Variants in NTN4 observed in about 807,000 individuals in gnomAD.
The protein encoded by NTN4 is netrin 4.
Under a neutral mutation model 73.6 loss-of-function variants are expected in NTN4, and 32 were observed. The ratio of observed to expected loss-of-function variants is 0.44; its 90% confidence interval spans 0.33 to 0.58. The LOEUF is 0.58. NTN4 is among the 20% of genes least tolerant of loss of function. The pLI, the probability that NTN4 is intolerant of heterozygous loss-of-function variation, is 0.04. For missense variants in NTN4, 654 were observed against 798.3 expected (o/e 0.82, Z 2.18); for synonymous variants, 258 against 287.5 (o/e 0.90, Z 1.04).
chr12:95,733,481 T>C (rs1024945209), intron 3 of NTN4, among the ~76,000 whole-genome samples: 1 of 152,216 alleles, frequency 6.6e-6, no homozygotes, highest in Admixed American at 6.5e-5. Context: ...GTAAGTAGTG[T>C]CTACCATATC....
At chr12:95,782,983 G>A (rs1409658178) in intron 2 of NTN4, among the ~76,000 whole-genome samples, 1 of 152,172 alleles carries the variant, frequency 6.6e-6, no homozygotes, top group Non-Finnish European at 1.5e-5. Context: ...TGTGTTTGCT[G>A]TATCCAGAGG....
chr12:95,770,107 G>A (rs767033131), intron 2 of NTN4, among the ~76,000 whole-genome samples: 27 of 152,226 alleles, frequency 1.8e-4, no homozygotes, highest in African/African-American at 6.3e-4. Flanking sequence ...TGTCCACAAC[G>A]ACTCAGATAT....
intron 7 of NTN4, chr12:95,672,992 T>C: frequency 1.7e-6 from 2 of 1,208,470 alleles, no homozygotes; most frequent in African/African-American, 1.5e-5. Context: ...ATCAGGTGCA[T>C]GGAGTTCCTG....
At chr12:95,722,617 T>G (rs1299551318) in intron 3 of NTN4, among the ~76,000 whole-genome samples, 2 of 151,988 alleles carry the variant, frequency 1.3e-5, no homozygotes, top group African/African-American at 2.4e-5. Context: ...AGCCAGACCT[T>G]GTCTCGAAAA....
Position 95,722,708 on chromosome 12 carries a change from C to G in NTN4, c.865-9370G>C, listed in dbSNP as rs770833051. Among the ~76,000 whole-genome samples, 4 of 152,108 alleles carry G rather than the reference C, an allele frequency of 2.6e-5. No homozygotes were observed. The South Asian group carries it at 8.3e-4, about 31-fold the overall frequency. ...CATTATTTTAGGCCAGGTGCTGTGG[C>G]TCATGCCTGTAATCCCAGCACTTTG... On this transcript the variant is annotated intron_variant, in intron 3 of 9. Transcript: ENST00000343702.
chr12:95,787,268 G>C lies in NTN4; in HGVS notation c.256C>G (p.His86Asp). 1 of 1,614,252 alleles carries C rather than the reference G, an allele frequency of 6.2e-7. No homozygotes were observed. The highest frequency in any genetic ancestry group is 8.5e-7 in the Non-Finnish European group (1 of 1,180,042). The change falls in exon 2 of 10, where the codon CAC becomes GAC. Residue 86 changes from histidine to aspartate, a missense_variant. His to Asp is a moderately conservative substitution (Grantham distance 81). Coordinates refer to ENST00000343702, the MANE Select transcript of NTN4 (RefSeq NM_021229.4). The stretch of plus-strand genomic sequence containing the variant: ...ATGGCAGATGGCAGGTGAGCCAGGT[G>C]AGGATAGGCAGCATTGCACTTGTCA... ...KCDKCNAAYP[H>D]LAHLPSAMAD...
At chr12:95,745,006 A>C (rs1294431636) in intron 2 of NTN4, among the ~76,000 whole-genome samples, 1 of 152,040 alleles carries the variant, frequency 6.6e-6, no homozygotes, top group Non-Finnish European at 1.5e-5. Flanking sequence ...TTCCAACAAA[A>C]AGCTTTTGTC....
intron 2 of NTN4, among the ~76,000 whole-genome samples, chr12:95,778,123 G>T (rs2079107518): frequency 6.6e-6 from 1 of 152,022 alleles, no homozygotes; most frequent in African/African-American, 2.4e-5. Flanking sequence ...CGAGAACAAA[G>T]ACACAACATA....
chr12:95,742,627 A>G (rs1252854147), intron 2 of NTN4, among the ~76,000 whole-genome samples: 1 of 152,216 alleles, frequency 6.6e-6, no homozygotes, highest in Non-Finnish European at 1.5e-5. Flanking sequence ...GAGGAATAAT[A>G]TTCAAGGCCG....
intron 9 of NTN4, among the ~76,000 whole-genome samples, chr12:95,659,788 A>G (rs1179783326): frequency 6.6e-6 from 1 of 152,216 alleles, no homozygotes; most frequent in Non-Finnish European, 1.5e-5. Context: ...ACTGAGGCTC[A>G]GCAAGGCTAA....
Position 95,710,421 on chromosome 12 carries a change from G to A in NTN4, c.1180+20C>T, listed in dbSNP as rs1406276814. 6.3e-7 allele frequency: 1 copy of A among 1,593,210 alleles called. No homozygotes were observed. Among genetic ancestry groups the A allele is most frequent in the Non-Finnish European group, 8.6e-7 (1 of 1,166,304 alleles). On this transcript the variant is annotated intron_variant, in intron 5 of 9. Transcript: ENST00000343702. Reference sequence around the variant, plus strand: ...TCTTGTACAAATCAGCCTATTTTCTGGAAACCACAGGTTACTTACGTTTGC... The same window carrying A: ...TCTTGTACAAATCAGCCTATTTTCTAGAAACCACAGGTTACTTACGTTTGC...
At chr12:95,744,351 TC>T (rs1465200214) in intron 2 of NTN4, among the ~76,000 whole-genome samples, 2 of 152,220 alleles carry the variant, frequency 1.3e-5, no homozygotes, top group Admixed American at 1.3e-4. Flanking sequence ...GTAGGGTATA[TC>T]TTTTTTTATC....
In NTN4 at chr12:95,787,115, G is replaced by T. The variant is rs763831564; in HGVS notation, c.409C>A (p.Pro137Thr). 2 of 1,614,198 alleles carry T rather than the reference G, an allele frequency of 1.2e-6. No individual in the cohort carries two copies. The highest frequency in any genetic ancestry group is 1.1e-5 in the South Asian group (1 of 91,080). The change falls in exon 2 of 10, where the codon CCC becomes ACC. Residue 137 changes from proline to threonine, a missense_variant. Physicochemically the swap from Pro to Thr is conservative, Grantham distance 38. Transcript: ENST00000343702. ...FTHLIVMFKS[P>T]RPAAMVLDRS... is the part of the protein sequence containing the mutation. ...TCCAGCACCATGGCAGCCGGCCTGG[G>T]GGACTTGAACATCACAATTAGGTGA...
At position 95,714,168 on chromosome 12, in the gene NTN4, G is replaced by A. The variant is rs553452956; in HGVS notation, c.865-830C>T. Among the ~76,000 whole-genome samples, 127 of 152,028 alleles carry A rather than the reference G, an allele frequency of 8.4e-4. 1 individual carries two copies. The South Asian group carries it at 0.019, about 22-fold the overall frequency. ...ACTTCAGTAGAATTCTTAGAAACAT[G>A]GGAATTTTAATATTTTTTGTATTAT... On this transcript the variant is annotated intron_variant, in intron 3 of 9. Transcript: ENST00000343702.
chr12:95,699,638 A>AG (rs2121048559), intron 5 of NTN4, among the ~76,000 whole-genome samples: 1 of 152,212 alleles, frequency 6.6e-6, no homozygotes, highest in Admixed American at 6.5e-5. Flanking sequence ...GGAAAAAAAA[A>AG]AAAAGATCTG....
intron 7 of NTN4, chr12:95,670,612 T>C (rs925175526): frequency 6.6e-6 from 1 of 152,578 alleles, no homozygotes; most frequent in South Asian, 2.1e-4. Context: ...ACTTTTGGTA[T>C]GCAAGGCATG....
At chr12:95,693,679 C>T (rs1457416604) in intron 5 of NTN4, among the ~76,000 whole-genome samples, 2 of 147,526 alleles carry the variant, frequency 1.4e-5, no homozygotes, top group Non-Finnish European at 3.0e-5. Flanking sequence ...TGCAGTGAGC[C>T]GAGATCACGC....
chr12:95,703,102 C>T (rs373776533), intron 5 of NTN4, among the ~76,000 whole-genome samples: 33 of 152,180 alleles, frequency 2.2e-4, no homozygotes, highest in African/African-American at 7.5e-4. Context: ...GGTGATCCAC[C>T]GGCCTTGGCC....
chr12:95,737,977 A>G lies in NTN4; in HGVS notation c.753T>C (p.Tyr251=). 2 of 1,614,096 alleles carry G rather than the reference A, an allele frequency of 1.2e-6. No homozygotes were observed. Among genetic ancestry groups the G allele is most frequent in the South Asian group, 1.1e-5 (1 of 91,084 alleles). ...LNEEPQHFTH[Y]AIYDFIVKGS... ...CCTTGACAATGAAATCATAGATTGC[A>G]TAGTGTGTAAAATGTTGAGGCTCTT... The change falls in exon 3 of 10, where the codon TAT becomes TAC. Residue 251 remains tyrosine (Y), a synonymous_variant. Coordinates refer to ENST00000343702, the MANE Select transcript of NTN4 (RefSeq NM_021229.4).
Sources: allele counts gnomAD v4.1 joint callset (sites outside exome capture counted in the v4.1 genomes callset), GRCh38; gene constraint gnomAD v4.1.1; transcripts MANE v1.5; gene names NCBI Gene and HGNC (gene_info 2026-07-23, HGNC 2026-07-21).